Variants in LRBA observed in about 807,000 individuals in gnomAD.
LRBA encodes the protein LPS responsive beige-like anchor protein, also known as lipopolysaccharide-responsive and beige-like anchor protein.
Under a neutral mutation model 330.0 loss-of-function variants are expected in LRBA, and 176 were observed. That is an observed-to-expected ratio of 0.53 (90% CI 0.47 to 0.60). The LOEUF is 0.60. LRBA is among the 20% of genes least tolerant of loss of function. The probability of loss-of-function intolerance (pLI) is 0.00; values close to 1 mark genes in which losing one functional copy is unlikely to be tolerated. For missense variants in LRBA, 3,259 were observed against 3,444.8 expected (o/e 0.95, Z 1.35); for synonymous variants, 1,230 against 1,193.0 (o/e 1.03, Z -0.64).
Position 150,533,757 on chromosome 4 carries a change from C to T in LRBA, c.6331-42722G>A, listed in dbSNP as rs549651161. Among the ~76,000 whole-genome samples the T allele has an allele frequency of 3.9e-5, 6 of 152,284 alleles. No homozygotes were observed. The East Asian group carries it at 7.7e-4, about 20-fold the overall frequency. On this transcript the variant is annotated intron_variant, in intron 40 of 56. Coordinates refer to ENST00000651943, the MANE Select transcript of LRBA (RefSeq NM_001364905.1). ...CCCCATTCCAGTGTGCTCAACTCAT[C>T]GGGCTTCCTTCCACTCAGACATTAG...
At chr4:150,836,269 T>G (rs141211333) in intron 28 of LRBA, among the ~76,000 whole-genome samples, 9,130 of 152,154 alleles carry the variant, frequency 0.06, 832 homozygotes, top group African/African-American at 0.2. Flanking sequence ...TCTCTTTTTT[T>G]GTTGTGTCTC....
At chr4:150,352,882 T>A (rs1321544043) in intron 47 of LRBA, among the ~76,000 whole-genome samples, 1 of 152,192 alleles carries the variant, frequency 6.6e-6, no homozygotes, top group Non-Finnish European at 1.5e-5. Context: ...GTCACTGCAG[T>A]CTCATGTCAC....
At chr4:150,987,375 T>C (rs1222190035) in intron 2 of LRBA, among the ~76,000 whole-genome samples, 2 of 152,198 alleles carry the variant, frequency 1.3e-5, no homozygotes, top group Non-Finnish European at 2.9e-5. Context: ...AGTATGCATA[T>C]AAATCTCTAC....
intron 53 of LRBA, among the ~76,000 whole-genome samples, chr4:150,300,639 T>C (rs1230781825): frequency 6.6e-6 from 1 of 152,038 alleles, no homozygotes; most frequent in Non-Finnish European, 1.5e-5. Context: ...CCAGGATTTG[T>C]TCAGTCCTAC....
At chr4:150,827,409 C>T (rs1202836977) in intron 30 of LRBA, among the ~76,000 whole-genome samples, 3 of 152,022 alleles carry the variant, frequency 2.0e-5, no homozygotes, top group African/African-American at 7.2e-5. Context: ...AGTGTGTCTG[C>T]CTCTCCTGCT....
intron 47 of LRBA, among the ~76,000 whole-genome samples, chr4:150,353,182 C>T (rs1008597664): frequency 2.0e-5 from 3 of 152,098 alleles, no homozygotes; most frequent in East Asian, 3.9e-4. Flanking sequence ...AAAAATATGA[C>T]TCTATGAAGA....
chr4:150,552,015 TAG>T (rs1766666493), intron 40 of LRBA, among the ~76,000 whole-genome samples: 1 of 152,100 alleles, frequency 6.6e-6, no homozygotes, highest in African/African-American at 2.4e-5. Context: ...CGTCTGACAT[TAG>T]AGTCTCATAA....
intron 36 of LRBA, chr4:150,721,341 T>G: frequency 3.4e-6 from 1 of 290,872 alleles, no homozygotes; most frequent in South Asian, 4.2e-5. Context: ...ACATTTCCAA[T>G]TACAATCAAT....
intron 37 of LRBA, among the ~76,000 whole-genome samples, chr4:150,671,308 T>C (rs1000942991): frequency 9.2e-5 from 14 of 152,204 alleles, no homozygotes; most frequent in African/African-American, 3.1e-4. Flanking sequence ...GACACTGTTC[T>C]ATATGCCTTT....
At chr4:150,899,274 T>C (rs1192624372) in intron 14 of LRBA, among the ~76,000 whole-genome samples, 1 of 152,206 alleles carries the variant, frequency 6.6e-6, no homozygotes, top group Non-Finnish European at 1.5e-5. Context: ...TTTAAGTTGT[T>C]ACGGATGTGA....
chr4:150,278,710 C>T (rs1276242773), intron 55 of LRBA, among the ~76,000 whole-genome samples: 1 of 152,210 alleles, frequency 6.6e-6, no homozygotes, highest in African/African-American at 2.4e-5. Context: ...AGCCTGCGGG[C>T]CAAGTGCAGC....
intron 40 of LRBA, among the ~76,000 whole-genome samples, chr4:150,492,196 C>T (rs992691242): frequency 2.2e-5 from 3 of 136,366 alleles, no homozygotes; most frequent in Non-Finnish European, 3.2e-5. Flanking sequence ...AAAAGAGTAA[C>T]AAACCTTATT....
At chr4:150,838,584 G>T (rs1748543187) in intron 28 of LRBA, among the ~76,000 whole-genome samples, 3 of 152,008 alleles carry the variant, frequency 2.0e-5, no homozygotes, top group Admixed American at 2.0e-4. Flanking sequence ...TGATCAAATT[G>T]GCTACTGAAG....
At chr4:150,431,492 A>T (rs1370146672) in intron 46 of LRBA, among the ~76,000 whole-genome samples, 7 of 152,210 alleles carry the variant, frequency 4.6e-5, no homozygotes, top group Non-Finnish European at 8.8e-5. Context: ...ATGTGTGGCT[A>T]GTCTCAACAC....
rs1391508551 is a variant in LRBA, at chr4:150,436,708, T to C, written c.6921+16A>G. Reference sequence around the variant, plus strand: ...GAATTTATTTAGCCATGGTGTATTATTCAAATTGAACTTACTATTCTTAGC... The same window carrying C: ...GAATTTATTTAGCCATGGTGTATTACTCAAATTGAACTTACTATTCTTAGC... On this transcript the variant is annotated intron_variant, in intron 45 of 56. Transcript: ENST00000651943. 3 of 1,605,066 alleles carry C rather than the reference T, an allele frequency of 1.9e-6. No individual in the cohort carries two copies. The highest frequency in any genetic ancestry group is 4.5e-5 in the East Asian group (2 of 44,696).
Position 151,014,016 on chromosome 4 carries a change from CAT to C in LRBA, c.216+409_216+410del, listed in dbSNP as rs576941799. The stretch of plus-strand genomic sequence containing the variant: ...AATTTTTAAACTTATTGTAGCAAAA[CAT>C]AACTTCGACAGAATCAAAGACATTA... On this transcript the variant is annotated intron_variant, in intron 2 of 56. Coordinates refer to ENST00000651943, the MANE Select transcript of LRBA (RefSeq NM_001364905.1). 1.1e-3 allele frequency: 168 copies of C among 156,164 alleles called. 1 individual carries two copies. Among genetic ancestry groups the C allele is most frequent in the Middle Eastern group, 6.7e-3 (2 of 300 alleles). The allele number at this position is 156,164 out of a possible 1,614,324, so 9.7% of individuals were successfully genotyped here.
At chr4:150,457,324 G>C (rs1425305087) in intron 44 of LRBA, among the ~76,000 whole-genome samples, 1 of 151,970 alleles carries the variant, frequency 6.6e-6, no homozygotes, top group Non-Finnish European at 1.5e-5. Context: ...AATTATAAAG[G>C]TCTTTAAAAG....
intron 5 of LRBA, among the ~76,000 whole-genome samples, chr4:150,920,650 G>A: frequency 6.6e-6 from 1 of 152,144 alleles, no homozygotes; most frequent in East Asian, 1.9e-4. Flanking sequence ...ATTATAGAAT[G>A]TGCTTCTATA....
intron 2 of LRBA, among the ~76,000 whole-genome samples, chr4:151,005,884 G>A (rs1052866312): frequency 3.3e-5 from 5 of 151,956 alleles, no homozygotes; most frequent in African/African-American, 4.8e-5. Context: ...ACTTACAGAC[G>A]TGAGCCACCA....
Sources: allele counts gnomAD v4.1 joint callset (sites outside exome capture counted in the v4.1 genomes callset), GRCh38; gene constraint gnomAD v4.1.1; transcripts MANE v1.5; gene names NCBI Gene and HGNC (gene_info 2026-07-23, HGNC 2026-07-21).